Variants in TIAM1 observed in about 807,000 individuals in gnomAD.
TIAM1 encodes the protein TIAM Rac1 associated GEF 1.
TIAM1 carries 65 observed loss-of-function variants against 163.5 expected under a neutral mutation model. The observed-to-expected ratio is 0.40, with a 90% CI of 0.33 to 0.49. The LOEUF is 0.49. Among genes scored for constraint, TIAM1 ranks in the 20% least tolerant of loss-of-function variants. The probability of loss-of-function intolerance (pLI) is 0.77; values close to 1 mark genes in which losing one functional copy is unlikely to be tolerated. For synonymous variants in TIAM1, 833 were observed against 810.1 expected, an observed-to-expected ratio of 1.03 and a Z score of -0.48; for missense variants, 1,789 against 2,044.7, an observed-to-expected ratio of 0.87 and a Z score of 2.41.
At chr21:31,557,145 C>T (rs73345674) in intron 1 of TIAM1, among the ~76,000 whole-genome samples, 3,707 of 152,252 alleles carry the variant, frequency 0.024, 149 homozygotes, top group African/African-American at 0.085. Flanking sequence ...ACAACTAAAA[C>T]CTAATGGAAA....
At chr21:31,472,500 C>G (rs1414664623) in intron 1 of TIAM1, among the ~76,000 whole-genome samples, 2 of 152,110 alleles carry the variant, frequency 1.3e-5, no homozygotes, top group African/African-American at 4.8e-5. Context: ...GCACTCCAGC[C>G]TGAGCAACAA....
intron 1 of TIAM1, among the ~76,000 whole-genome samples, chr21:31,484,626 C>T (rs767131705): frequency 1.7e-4 from 26 of 152,180 alleles, no homozygotes; most frequent in Middle Eastern, 3.2e-3. Flanking sequence ...TTAAAGCAGG[C>T]CCCAAAGTCC....
intron 1 of TIAM1, among the ~76,000 whole-genome samples, chr21:31,529,046 C>T (rs1049475082): frequency 6.6e-6 from 1 of 151,110 alleles, no homozygotes. Context: ...CTCAGCCTCC[C>T]GAGTAGCCGG....
intron 2 of TIAM1, among the ~76,000 whole-genome samples, chr21:31,277,902 G>A (rs981277884): frequency 1.3e-5 from 2 of 152,068 alleles, no homozygotes; most frequent in East Asian, 1.9e-4. Context: ...AAAATGACAG[G>A]CTTAAATCAG....
At chr21:31,153,244 C>T in intron 17 of TIAM1, 110 bp from the exon 18 acceptor site, 1 of 865,040 alleles carries the variant, frequency 1.2e-6, no homozygotes, top group East Asian at 2.8e-5. Flanking sequence ...TAGAAGAGAA[C>T]AAACAGATCC....
At chr21:31,207,506 A>C (rs541020145) in intron 11 of TIAM1, among the ~76,000 whole-genome samples, 1 of 152,302 alleles carries the variant, frequency 6.6e-6, no homozygotes, top group African/African-American at 2.4e-5. Flanking sequence ...GGAAAAAAAA[A>C]CCATTCGCCA....
At chr21:31,304,163 C>G (rs1036522154) in intron 2 of TIAM1, among the ~76,000 whole-genome samples, 3 of 152,096 alleles carry the variant, frequency 2.0e-5, no homozygotes, top group East Asian at 1.9e-4. Context: ...ACTTACTCCT[C>G]TAGCAAAGAA....
At chr21:31,423,713 A>C (rs1217716292) in intron 2 of TIAM1, among the ~76,000 whole-genome samples, 5 of 139,516 alleles carry the variant, frequency 3.6e-5, no homozygotes, top group Non-Finnish European at 6.4e-5. Context: ...AAAAAAAAAA[A>C]AAAAAAAAAA....
intron 6 of TIAM1, among the ~76,000 whole-genome samples, chr21:31,243,335 C>T (rs2071319926): frequency 6.7e-6 from 1 of 148,740 alleles, no homozygotes; most frequent in African/African-American, 2.5e-5. Flanking sequence ...AATCAGTGAA[C>T]TTATGACAGA....
intron 6 of TIAM1, among the ~76,000 whole-genome samples, chr21:31,245,250 G>A (rs2071434641): frequency 6.6e-6 from 1 of 151,824 alleles, no homozygotes. Context: ...CCAACTCATA[G>A]CCCTCCTTAG....
At chr21:31,512,897 G>A (rs1443397468) in intron 1 of TIAM1, among the ~76,000 whole-genome samples, 1 of 151,962 alleles carries the variant, frequency 6.6e-6, no homozygotes, top group African/African-American at 2.4e-5. Flanking sequence ...TCCTACCTCA[G>A]CCTCCCAAAG....
chr21:31,297,823 G>A (rs1292951791), intron 2 of TIAM1, among the ~76,000 whole-genome samples: 2 of 152,246 alleles, frequency 1.3e-5, no homozygotes, highest in East Asian at 3.9e-4. Context: ...TGAACTCAGA[G>A]GGCTATGAAG....
intron 11 of TIAM1, among the ~76,000 whole-genome samples, chr21:31,203,569 C>T (rs2086310401): frequency 6.6e-6 from 1 of 152,254 alleles, no homozygotes; most frequent in African/African-American, 2.4e-5. Context: ...AAACAACTGA[C>T]TCACATCTCC....
At chr21:31,323,086 G>A (rs2075369421) in intron 2 of TIAM1, among the ~76,000 whole-genome samples, 1 of 151,452 alleles carries the variant, frequency 6.6e-6, no homozygotes. Context: ...TCAAGAGATC[G>A]AGACCATCCT....
At chr21:31,152,826 C>A (rs1037993360) in intron 18 of TIAM1, 65 bp from the exon 19 acceptor site, 10 of 1,564,974 alleles carry the variant, frequency 6.4e-6, no homozygotes, top group Non-Finnish European at 8.6e-6. Context: ...TTATTTATAT[C>A]TGATTACAAG....
chr21:31,359,102 C>T (rs1212761856), intron 2 of TIAM1, among the ~76,000 whole-genome samples: 1 of 152,164 alleles, frequency 6.6e-6, no homozygotes, highest in Non-Finnish European at 1.5e-5. Flanking sequence ...CATCTCATCA[C>T]TATACCCTAA....
rs893593002 is a variant in TIAM1 at position 31,344,193 on chromosome 21, T to G, written c.-424A>C. 5 of 152,262 alleles carry G rather than the reference T, an allele frequency of 3.3e-5. No individual in the cohort carries two copies. Among genetic ancestry groups the G allele is most frequent in the Non-Finnish European group, 5.9e-5 (4 of 68,068 alleles). The allele number at this position is 152,262 out of a possible 1,614,324, so 9.4% of individuals were successfully genotyped here. ...CCGTCTGGCTTCACATGTCCCAAAC[T>G]TCCAGTAACAGAAATGAGGAAGCAG... On this transcript the variant is annotated 5_prime_UTR_variant, in exon 1 of 28. Coordinates refer to ENST00000541036, the MANE Select transcript of TIAM1 (RefSeq NM_001353694.2).
chr21:31,369,766 G>T (rs1367652743), intron 2 of TIAM1, among the ~76,000 whole-genome samples: 1 of 152,064 alleles, frequency 6.6e-6, no homozygotes, highest in African/African-American at 2.4e-5. Context: ...GAGGCGGGTG[G>T]ATCACAAGGT....
intron 1 of TIAM1, among the ~76,000 whole-genome samples, chr21:31,472,537 T>G (rs1279230048): frequency 6.6e-6 from 1 of 151,844 alleles, no homozygotes; most frequent in South Asian, 2.1e-4. Context: ...AAAAAATAAA[T>G]AAATAAAAAT....
Sources: allele counts gnomAD v4.1 joint callset (sites outside exome capture counted in the v4.1 genomes callset), GRCh38; gene constraint gnomAD v4.1.1; transcripts MANE v1.5; gene names NCBI Gene and HGNC (gene_info 2026-07-23, HGNC 2026-07-21).